The following ZKSCAN5 variants were observed in gnomAD, a reference collection of about 807,000 sequenced individuals.
ZKSCAN5 encodes the protein zinc finger with KRAB and SCAN domains 5.
ZKSCAN5 carries 28 observed loss-of-function variants against 60.0 expected under a neutral mutation model. That is an observed-to-expected ratio of 0.47 (90% CI 0.35 to 0.64). The LOEUF (loss-of-function observed/expected upper bound fraction) is 0.64. Among genes scored for constraint, ZKSCAN5 ranks in the 30% least tolerant of loss-of-function variants. The probability of loss-of-function intolerance (pLI) is 0.01; values close to 1 mark genes in which losing one functional copy is unlikely to be tolerated. For missense variants in ZKSCAN5, 881 were observed against 1,034.6 expected (o/e 0.85, Z 2.04); for synonymous variants, 361 against 371.2 (o/e 0.97, Z 0.31).
chr7:99,505,474 G>T (rs1800678242), intron 1 of ZKSCAN5: 1 of 152,882 alleles, frequency 6.5e-6, no homozygotes, highest in Admixed American at 6.5e-5. Flanking sequence ...CTCGGGGTCA[G>T]GGGCCATTCT....
At chr7:99,529,418 G>A (rs1285308070) in intron 6 of ZKSCAN5, among the ~76,000 whole-genome samples, 2 of 152,160 alleles carry the variant, frequency 1.3e-5, no homozygotes, top group Non-Finnish European at 2.9e-5. Context: ...TGGGATTATA[G>A]GCACGAGTCA....
At chr7:99,525,198 G>T (rs188450949) in intron 5 of ZKSCAN5, among the ~76,000 whole-genome samples, 47 of 150,518 alleles carry the variant, frequency 3.1e-4, no homozygotes. Context: ...TTGCCCAGTC[G>T]CGTTGGCTCA....
rs894474978 is a variant in ZKSCAN5 at position 99,527,469 on chromosome 7, C to CT, written c.1378+1061dup. On this transcript the variant is annotated intron_variant, in intron 6 of 6. Transcript: ENST00000326775. ...GAACTGTTATTACTTAGTATGTTTC[C>CT]TTTTTTTTTTATAAGTCTGTTTCAC... Among the ~76,000 whole-genome samples the CT allele has an allele frequency of 5.1e-4, 76 of 148,472 alleles. 1 individual carries two copies. The highest frequency in any genetic ancestry group is 2.2e-3 in the East Asian group (11 of 5,106).
At chr7:99,511,478 C>G (rs994075954) in intron 2 of ZKSCAN5, among the ~76,000 whole-genome samples, 5 of 152,140 alleles carry the variant, frequency 3.3e-5, no homozygotes, top group African/African-American at 1.2e-4. Context: ...GGGTCTTGCT[C>G]TGTCACCAAG....
intron 3 of ZKSCAN5, among the ~76,000 whole-genome samples, chr7:99,517,695 A>G (rs959096640): frequency 6.6e-6 from 1 of 151,708 alleles, no homozygotes; most frequent in African/African-American, 2.4e-5. Context: ...AAACAAAACA[A>G]AATTAGCCGG....
rs766125198 is a variant in ZKSCAN5 at position 99,512,633 on chromosome 7, T to C, written c.553+42T>C. On this transcript the variant is annotated intron_variant, in intron 3 of 6. Transcript: ENST00000326775. Reference sequence around the variant, plus strand: ...CAGTGGAACTGATATAGCTCAAGAGTGGGTGCCTTGGCCATGTGGCAGGCA... The same window carrying C: ...CAGTGGAACTGATATAGCTCAAGAGCGGGTGCCTTGGCCATGTGGCAGGCA... 16 of 1,593,900 alleles carry C rather than the reference T, an allele frequency of 1.0e-5. No homozygotes were observed. The South Asian group carries it at 1.8e-4, about 18-fold the overall frequency.
intron 2 of ZKSCAN5, among the ~76,000 whole-genome samples, chr7:99,508,350 C>T (rs1199803354): frequency 1.3e-5 from 2 of 151,912 alleles, no homozygotes; most frequent in African/African-American, 2.4e-5. Flanking sequence ...TTGGTTCCCT[C>T]ATAGAGGGTA....
Position 99,532,372 on chromosome 7 carries a change from T to A in ZKSCAN5, c.*123T>A, listed in dbSNP as rs1444738575. The A allele has an allele frequency of 5.1e-5, 48 of 949,824 alleles. No homozygotes were observed. The highest frequency in any genetic ancestry group is 7.1e-5 in the Non-Finnish European group (47 of 664,192). The allele number at this position is 949,824 out of a possible 1,614,324, so 58.8% of individuals were successfully genotyped here. On this transcript the variant is annotated 3_prime_UTR_variant, in exon 7 of 7. Coordinates refer to ENST00000326775, the MANE Select transcript of ZKSCAN5 (RefSeq NM_145102.4). ...AACTCACAAATAGGTTGAAATCCTT[T>A]AGTTATAACTCAGCCTTTAGGAACA...
At chr7:99,509,053 A>T (rs141333747) in intron 2 of ZKSCAN5, among the ~76,000 whole-genome samples, 1,714 of 151,824 alleles carry the variant, frequency 0.011, 34 homozygotes, top group African/African-American at 0.039. Flanking sequence ...CAGTGGTGCG[A>T]TCTTGTCTCA....
At position 99,506,185 on chromosome 7, in the gene ZKSCAN5, G is replaced by A; in HGVS notation, c.141G>A (p.Glu47=). ...WMQEYNPPTF[E]TFYQRFRHFQ... is the part of the protein sequence containing the mutation. ...AGGAGTACAACCCGCCAACGTTTGA[G>A]ACTTTTTACCAGCGCTTCAGGCACT... Residue 47 remains glutamate, a synonymous_variant, in exon 2 of 7, where the codon GAG becomes GAA. Transcript: ENST00000326775. The A allele has an allele frequency of 6.2e-7, 1 of 1,614,216 alleles. No homozygotes were observed. Among genetic ancestry groups the A allele is most frequent in the Non-Finnish European group, 8.5e-7 (1 of 1,180,044 alleles).
At chr7:99,506,719 G>A (rs1325519056) in intron 2 of ZKSCAN5, among the ~76,000 whole-genome samples, 7 of 152,162 alleles carry the variant, frequency 4.6e-5, no homozygotes, top group Non-Finnish European at 1.0e-4. Context: ...GTCTCGCTCT[G>A]TCGCCTATGC....
At chr7:99,512,403 T>C (rs1801074573) in intron 2 of ZKSCAN5, 50 bp from the exon 3 acceptor site, 1 of 1,565,280 alleles carries the variant, frequency 6.4e-7, no homozygotes, top group Non-Finnish European at 8.7e-7. Flanking sequence ...CTGATTTCTT[T>C]CGTGGCCTTC....
chr7:99,514,602 C>A (rs1268516638), intron 3 of ZKSCAN5, among the ~76,000 whole-genome samples: 1 of 149,724 alleles, frequency 6.7e-6, no homozygotes, highest in East Asian at 2.0e-4. Flanking sequence ...CGAAAACTCA[C>A]CTCTACAAAA....
At chr7:99,530,930 G>A (rs1004057123) in intron 6 of ZKSCAN5, among the ~76,000 whole-genome samples, 178 bp from the exon 7 acceptor site, 21 of 151,966 alleles carry the variant, frequency 1.4e-4, no homozygotes, top group African/African-American at 3.1e-4. Context: ...GGTCATGCAC[G>A]CCTGTAGTCT....
chr7:99,530,003 G>A (rs1584205592), intron 6 of ZKSCAN5, among the ~76,000 whole-genome samples: 2 of 147,028 alleles, frequency 1.4e-5, no homozygotes, highest in Non-Finnish European at 3.0e-5. Flanking sequence ...CAAAGTTCTG[G>A]GATTACAGGC....
rs1306535376 is a variant in ZKSCAN5, at chr7:99,532,526, A to G, written c.*277A>G. 3.3e-6 allele frequency: 1 copy of G among 304,310 alleles called. No individual in the cohort carries two copies. Among genetic ancestry groups the G allele is most frequent in the Non-Finnish European group, 6.0e-6 (1 of 166,242 alleles). 18.9% of individuals were successfully genotyped at this position (304,310 alleles called of 1,614,324 possible). A position where few individuals can be genotyped will look rare whatever the true frequency, so the allele number is the denominator to read the frequency against. On this transcript the variant is annotated 3_prime_UTR_variant, in exon 7 of 7. Coordinates refer to ENST00000326775, the MANE Select transcript of ZKSCAN5 (RefSeq NM_145102.4). ...ATGGACATGGTCGAGGAATTCGGAA[A>G]GCCTGCAGTTGACATTCAGTCTTCA...
Position 99,505,993 on chromosome 7 carries a change from C to G in ZKSCAN5, c.-40-12C>G, listed in dbSNP as rs1800704397. The G allele has an allele frequency of 6.3e-7, 1 of 1,575,532 alleles. No individual in the cohort carries two copies. The highest frequency in any genetic ancestry group is 1.1e-5 in the South Asian group (1 of 86,982). On this transcript the variant is annotated splice_polypyrimidine_tract_variant and intron_variant, in intron 1 of 6. Coordinates refer to ENST00000326775, the MANE Select transcript of ZKSCAN5 (RefSeq NM_145102.4). The stretch of plus-strand genomic sequence containing the variant: ...CAGAAGATATTAAAGAGCAGAAAAA[C>G]AATTGTTTCAGTGTAACACAGCCAG...
rs774573507 is a variant in ZKSCAN5, at chr7:99,509,469, C to CT, written c.415-2969dup. On this transcript the variant is annotated intron_variant, in intron 2 of 6. Coordinates refer to ENST00000326775, the MANE Select transcript of ZKSCAN5 (RefSeq NM_145102.4). Reference sequence around the variant, plus strand: ...AAATTTCTTTTGTTTGACCACAGCACTTTTTTTTTTTTTTTGAGACAGAGT... The same window carrying CT: ...AAATTTCTTTTGTTTGACCACAGCACTTTTTTTTTTTTTTTTGAGACAGAGT... Among the ~76,000 whole-genome samples the CT allele has an allele frequency of 9.5e-3, 1,308 of 138,372 alleles. 9 individuals are homozygous for CT. Among genetic ancestry groups the CT allele is most frequent in the African/African-American group, 0.018 (695 of 37,990 alleles). The allele number at this position is 138,372 out of a possible 152,430, so 90.8% of individuals were successfully genotyped here.
At chr7:99,516,847 T>C (rs1295084381) in intron 3 of ZKSCAN5, among the ~76,000 whole-genome samples, 2 of 152,164 alleles carry the variant, frequency 1.3e-5, no homozygotes, top group Non-Finnish European at 2.9e-5. Context: ...CTCCTGCCTC[T>C]ATGGTCCCAC....
Sources: allele counts gnomAD v4.1 joint callset (sites outside exome capture counted in the v4.1 genomes callset), GRCh38; gene constraint gnomAD v4.1.1; transcripts MANE v1.5; gene names NCBI Gene and HGNC (gene_info 2026-07-23, HGNC 2026-07-21).